The following HERC4 variants were observed in gnomAD, a reference collection of about 807,000 sequenced individuals.
HERC4 encodes the protein probable E3 ubiquitin-protein ligase HERC4.
In HERC4, 28 loss-of-function variants were observed where a neutral mutation model predicts 124.3. The observed-to-expected ratio is 0.23, with a 90% CI of 0.17 to 0.31. HERC4 has a LOEUF of 0.31. Among genes scored for constraint, HERC4 ranks in the 10% least tolerant of loss-of-function variants. The pLI is 1.00. For missense variants in HERC4, 713 were observed against 1,229.3 expected (o/e 0.58, Z 6.28); for synonymous variants, 407 against 421.5 (o/e 0.97, Z 0.42).
chr10:68,000,352 C>A (rs1362516241), intron 9 of HERC4, among the ~76,000 whole-genome samples: 6 of 152,052 alleles, frequency 3.9e-5, no homozygotes, highest in Non-Finnish European at 5.9e-5. Flanking sequence ...CCCAGGTAGG[C>A]ACATTGCTTG....
At chr10:67,947,940 T>A (rs1400606730) in intron 19 of HERC4, among the ~76,000 whole-genome samples, 1 of 136,154 alleles carries the variant, frequency 7.3e-6, no homozygotes, top group Non-Finnish European at 1.6e-5. Context: ...CTGCCCACCT[T>A]GGCCTCCCAA....
intron 15 of HERC4, among the ~76,000 whole-genome samples, chr10:67,983,429 C>T (rs1168162646): frequency 6.6e-6 from 1 of 152,140 alleles, no homozygotes; most frequent in Non-Finnish European, 1.5e-5. Context: ...ACCAGGTCTA[C>T]TGCTACACTG....
intron 8 of HERC4, among the ~76,000 whole-genome samples, chr10:68,025,344 G>A (rs1324247225): frequency 6.6e-6 from 1 of 152,130 alleles, no homozygotes; most frequent in African/African-American, 2.4e-5. Flanking sequence ...TCTTGCCTCA[G>A]CTAAATCTGT....
chr10:67,923,094 C>G lies in HERC4; in HGVS notation c.2987G>C (p.Ser996Thr), dbSNP rs759759567. The G allele has an allele frequency of 1.2e-6, 2 of 1,613,916 alleles. No individual in the cohort carries two copies. Among genetic ancestry groups the G allele is most frequent in the East Asian group, 4.5e-5 (2 of 44,856 alleles). The change falls in exon 25 of 25, where the codon AGT (serine) becomes ACT (threonine). Residue 996 changes from serine (S) to threonine (T), a missense_variant. Ser to Thr is a moderately conservative substitution (Grantham distance 58, BLOSUM62 1). Transcript: ENST00000373700. The stretch of plus-strand genomic sequence containing the variant: ...TGTGGACTGGATGACTAGTTTCAGA[C>G]TCTTCATACCAAGAATAGGAATGCG... ...SDRIPILGMK[S>T]LKLVIQSTGG...
chr10:68,051,494 G>A (rs933249104), intron 3 of HERC4, among the ~76,000 whole-genome samples: 1 of 150,448 alleles, frequency 6.6e-6, no homozygotes, highest in African/African-American at 2.4e-5. Flanking sequence ...ACAAGCGCCC[G>A]CCACCATGCC....
intron 15 of HERC4, among the ~76,000 whole-genome samples, chr10:67,977,688 A>C (rs767926262): frequency 6.6e-6 from 1 of 152,202 alleles, no homozygotes; most frequent in Non-Finnish European, 1.5e-5. Flanking sequence ...AGCTGACTAA[A>C]GAGCCCTTAA....
chr10:68,051,101 C>CAAA (rs755520085), intron 3 of HERC4, among the ~76,000 whole-genome samples: 1 of 95,486 alleles, frequency 1.0e-5, no homozygotes, highest in African/African-American at 4.0e-5. Flanking sequence ...ACCCAAAGAC[C>CAAA]AAAAAAAAAA....
At chr10:67,983,786 C>CACAAAA (rs1198366025) in intron 15 of HERC4, among the ~76,000 whole-genome samples, 4 of 100,158 alleles carry the variant, frequency 4.0e-5, no homozygotes, top group Non-Finnish European at 5.8e-5. Context: ...GACTCTGTCT[C>CACAAAA]AAAAAAAAAA....
At chr10:67,990,517 A>C (rs2036496172) in intron 13 of HERC4, 117 bp from the exon 14 acceptor site, 1 of 551,056 alleles carries the variant, frequency 1.8e-6, no homozygotes, top group South Asian at 3.4e-5. Context: ...GCACTACAGC[A>C]AATATGAAAT....
Position 68,025,571 on chromosome 10 carries a change from T to G in HERC4, c.883A>C (p.Ile295Leu). ...PRKVFELMGS[I>L]VTEIACGRQH... ...CGTCCACAAGCAATCTCAGTGACAATGCTTCCCATAAGTTCAAAAACTTTC... is the reference window on the plus strand; with the variant it reads ...CGTCCACAAGCAATCTCAGTGACAAGGCTTCCCATAAGTTCAAAAACTTTC... Residue 295 changes from isoleucine to leucine, a missense_variant, in exon 8 of 25, where the codon ATT (isoleucine) becomes CTT (leucine). Ile to Leu is a conservative substitution (Grantham distance 5). Transcript: ENST00000373700. 1 of 1,613,718 alleles carries G rather than the reference T, an allele frequency of 6.2e-7. No individual in the cohort carries two copies. Among genetic ancestry groups the G allele is most frequent in the Non-Finnish European group, 8.5e-7 (1 of 1,179,786 alleles).
chr10:68,020,096 A>T (rs1057088343), intron 8 of HERC4, among the ~76,000 whole-genome samples: 1 of 152,238 alleles, frequency 6.6e-6, no homozygotes, highest in Admixed American at 6.5e-5. Flanking sequence ...TAGCAGGGAA[A>T]GGTATAGGCT....
chr10:67,924,482 T>C (rs1437930420), intron 24 of HERC4, among the ~76,000 whole-genome samples: 4 of 152,188 alleles, frequency 2.6e-5, no homozygotes, highest in African/African-American at 9.7e-5. Flanking sequence ...ATTCTGTAGG[T>C]AACTGTAACA....
chr10:67,988,620 T>C lies in HERC4; in HGVS notation c.1806+43A>G, dbSNP rs768475091. The C allele has an allele frequency of 6.4e-6, 8 of 1,241,132 alleles. No homozygotes were observed. The Admixed American group carries it at 1.5e-4, about 24-fold the overall frequency. The allele number at this position is 1,241,132 out of a possible 1,614,324, so 76.9% of individuals were successfully genotyped here. A position where few individuals can be genotyped will look rare whatever the true frequency, so the allele number is the denominator to read the frequency against. On this transcript the variant is annotated intron_variant, in intron 15 of 24. Transcript: ENST00000373700. ...AAAATGAACAGTATCAATCTGTTAA[T>C]AGGAATGGGGAAAGAGGAAAATAAA...
intron 8 of HERC4, among the ~76,000 whole-genome samples, 160 bp from the exon 9 acceptor site, chr10:68,014,346 CTT>C (rs1290193535): frequency 6.6e-6 from 1 of 152,126 alleles, no homozygotes; most frequent in Admixed American, 6.5e-5. Context: ...CATTAACAGA[CTT>C]AATCTATAGA....
intron 3 of HERC4, chr10:68,068,472 G>T: frequency 8.3e-6 from 1 of 120,674 alleles, no homozygotes; most frequent in Non-Finnish European, 1.6e-5. Flanking sequence ...GGGTAACAGA[G>T]CAAGACTCCG....
chr10:68,039,522 A>C (rs2039655961), intron 4 of HERC4: 1 of 1,549,622 alleles, frequency 6.5e-7, no homozygotes, highest in South Asian at 1.2e-5. Flanking sequence ...AGGAAAAAGG[A>C]GAGTTACTCT....
At chr10:68,064,595 A>G (rs12248457) in intron 3 of HERC4, among the ~76,000 whole-genome samples, 1 of 151,380 alleles carries the variant, frequency 6.6e-6, no homozygotes, top group Non-Finnish European at 1.5e-5. Flanking sequence ...AGAGAAAAAA[A>G]GAAAAAGAAA....
At chr10:68,071,965 GATTAC>G (rs1460630504) in intron 3 of HERC4, among the ~76,000 whole-genome samples, 1 of 152,122 alleles carries the variant, frequency 6.6e-6, no homozygotes, top group Non-Finnish European at 1.5e-5. Flanking sequence ...GAATATCTTA[GATTAC>G]ATTAATCTCT....
At chr10:67,946,910 A>G (rs1421287443) in intron 19 of HERC4, among the ~76,000 whole-genome samples, 1 of 152,122 alleles carries the variant, frequency 6.6e-6, no homozygotes, top group East Asian at 1.9e-4. Context: ...CTGTCTCAAA[A>G]CAAAACAAAA....
Sources: allele counts gnomAD v4.1 joint callset (sites outside exome capture counted in the v4.1 genomes callset), GRCh38; gene constraint gnomAD v4.1.1; transcripts MANE v1.5; gene names NCBI Gene and HGNC (gene_info 2026-07-23, HGNC 2026-07-21).